KCTD1: variants seen among roughly 807,000 people sequenced by gnomAD.
KCTD1 encodes potassium channel tetramerization domain containing 1.
KCTD1 carries 24 observed loss-of-function variants against 66.0 expected under a neutral mutation model. The ratio of observed to expected loss-of-function variants is 0.36; its 90% CI spans 0.26 to 0.51. The LOEUF is 0.51. Among genes scored for constraint, KCTD1 ranks in the 20% least tolerant of loss-of-function variants. The probability of loss-of-function intolerance (pLI) is 0.95; values close to 1 mark genes in which losing one functional copy is unlikely to be tolerated. For missense variants in KCTD1, 943 were observed against 1,205.2 expected (o/e 0.78, Z 3.22); for synonymous variants, 511 against 517.2 (o/e 0.99, Z 0.16).
At chr18:26,555,208 T>C (rs2144864518) in intron 1 of KCTD1, among the ~76,000 whole-genome samples, 1 of 152,348 alleles carries the variant, frequency 6.6e-6, no homozygotes, top group Non-Finnish European at 1.5e-5. Context: ...TCAAATAAAG[T>C]GGTCTACTAA....
chr18:26,634,015 A>G (rs1425311954), upstream of KCTD1, among the ~76,000 whole-genome samples: 1 of 152,228 alleles, frequency 6.6e-6, no homozygotes, highest in Non-Finnish European at 1.5e-5. Context: ...TACACTCAAC[A>G]GCATGGTTCA....
intron 1 of KCTD1, among the ~76,000 whole-genome samples, chr18:26,556,600 C>T (rs980031494): frequency 4.6e-5 from 7 of 152,332 alleles, no homozygotes; most frequent in African/African-American, 1.4e-4. Context: ...AATCTGGAAA[C>T]ATACATGCAT....
Position 26,616,462 on chromosome 18 carries a change from C to CATATAT in KCTD1, c.-16+12679_-16+12684dup, listed in dbSNP as rs10639008. On this transcript the variant is annotated intron_variant, in intron 1 of 4. Coordinates refer to the KCTD1 transcript ENST00000317932. ...ATGTTTACAGCTAATCCCTTACATA[C>CATATAT]ATATATATATATATATACACACACA... Among the ~76,000 whole-genome samples the CATATAT allele has an allele frequency of 1.1e-3, 157 of 147,616 alleles. 2 individuals carry two copies. Among genetic ancestry groups the CATATAT allele is most frequent in the Middle Eastern group, 3.5e-3 (1 of 288 alleles).
intron 1 of KCTD1, among the ~76,000 whole-genome samples, chr18:26,532,306 G>C (rs1257357348): frequency 8.3e-6 from 1 of 120,546 alleles, no homozygotes; most frequent in African/African-American, 3.5e-5. Flanking sequence ...GCCTTGCTCT[G>C]TTGCCCAGGC....
chr18:26,569,523 T>C, intron 1 of KCTD1, among the ~76,000 whole-genome samples: 1 of 152,152 alleles, frequency 6.6e-6, no homozygotes, highest in East Asian at 1.9e-4. Flanking sequence ...CACTCTTCTA[T>C]TCAGGCTGTC....
intron 1 of KCTD1, among the ~76,000 whole-genome samples, chr18:26,612,296 G>T (rs1987154600): frequency 6.6e-6 from 1 of 151,952 alleles, no homozygotes; most frequent in African/African-American, 2.4e-5. Flanking sequence ...GTCCACCTTG[G>T]TTCTCTCTGG....
At chr18:26,582,211 A>G (rs1206132233) in intron 1 of KCTD1, among the ~76,000 whole-genome samples, 1 of 151,764 alleles carries the variant, frequency 6.6e-6, no homozygotes, top group Non-Finnish European at 1.5e-5. Flanking sequence ...GGTGGAGGTT[A>G]CAGGTGAGCC....
chr18:26,608,467 G>T (rs1987065142), intron 1 of KCTD1, among the ~76,000 whole-genome samples: 1 of 152,170 alleles, frequency 6.6e-6, no homozygotes. Flanking sequence ...AGTGCAAAAT[G>T]ATGTTTGTGA....
chr18:26,640,818 A>T (rs118094467), upstream of KCTD1, among the ~76,000 whole-genome samples: 13 of 152,224 alleles, frequency 8.5e-5, no homozygotes, highest in Admixed American at 4.6e-4. Context: ...GGTTTGTTCT[A>T]AAGTCAAGGA....
intron 3 of KCTD1, among the ~76,000 whole-genome samples, chr18:26,473,979 T>C (rs1981211755): frequency 6.6e-6 from 1 of 152,236 alleles, no homozygotes; most frequent in African/African-American, 2.4e-5. Context: ...TGCCCCACTG[T>C]TCAAAATCCT....
intron 2 of KCTD1, among the ~76,000 whole-genome samples, chr18:26,482,299 C>G (rs901247728): frequency 3.9e-5 from 6 of 152,130 alleles, no homozygotes; most frequent in Admixed American, 3.9e-4. Context: ...CATTGGTAGA[C>G]TGAGAAGATA....
intron 1 of KCTD1, among the ~76,000 whole-genome samples, chr18:26,655,284 T>A (rs1988108814): frequency 6.6e-6 from 1 of 152,248 alleles, no homozygotes. Context: ...TCATTTTTAA[T>A]TTGCTAAAAC....
At position 26,498,338 on chromosome 18, in the gene KCTD1, CT is replaced by C. The variant is rs1406314286; in HGVS notation, c.1988+2733del. ...ATTACGTTGGTGAAAGAGACACTCGCTTTTTTATGTATTTCAGTATCAGGTT... is the reference window on the plus strand; with the variant it reads ...ATTACGTTGGTGAAAGAGACACTCGCTTTTTATGTATTTCAGTATCAGGTT... On this transcript the variant is annotated intron_variant, in intron 2 of 4. Coordinates refer to ENST00000580059, the MANE Select transcript of KCTD1 (RefSeq NM_001142730.3). Among the ~76,000 whole-genome samples the C allele has an allele frequency of 4.0e-5, 6 of 151,774 alleles. No individual in the cohort carries two copies. In the South Asian group the frequency reaches 1.3e-3, roughly 32 times the overall value.
At chr18:26,588,548 G>C (rs190204926) in intron 1 of KCTD1, among the ~76,000 whole-genome samples, 2 of 152,278 alleles carry the variant, frequency 1.3e-5, no homozygotes, top group East Asian at 3.9e-4. Flanking sequence ...GAAGAGTTGG[G>C]CACAGCTTTG....
At chr18:26,585,287 A>T (rs1415422631) in intron 1 of KCTD1, among the ~76,000 whole-genome samples, 1 of 152,206 alleles carries the variant, frequency 6.6e-6, no homozygotes, top group Non-Finnish European at 1.5e-5. Context: ...TGGTAAGATC[A>T]TTATCTAACC....
chr18:26,599,321 G>C, intron 1 of KCTD1: 1 of 1,184,776 alleles, frequency 8.4e-7, no homozygotes, highest in Non-Finnish European at 1.2e-6. Flanking sequence ...ATTGACTGGG[G>C]GAGAAGCCGG....
At chr18:26,607,319 C>T (rs746947704) in intron 1 of KCTD1, among the ~76,000 whole-genome samples, 54 of 152,334 alleles carry the variant, frequency 3.5e-4, no homozygotes, top group Non-Finnish European at 1.8e-4. Context: ...GCATGAGCCA[C>T]GTGCCTGGCT....
chr18:26,637,026 C>T (rs1987738378), intron 1 of KCTD1, among the ~76,000 whole-genome samples: 1 of 152,230 alleles, frequency 6.6e-6, no homozygotes, highest in Non-Finnish European at 1.5e-5. Context: ...TCACCCGCTG[C>T]GGTCCCTGCC....
intron 1 of KCTD1, among the ~76,000 whole-genome samples, chr18:26,606,935 G>C (rs1205504918): frequency 6.6e-6 from 1 of 152,148 alleles, no homozygotes; most frequent in Non-Finnish European, 1.5e-5. Flanking sequence ...TTTCAGCTTA[G>C]TAAACTCCTA....
Sources: allele counts gnomAD v4.1 joint callset (sites outside exome capture counted in the v4.1 genomes callset), GRCh38; gene constraint gnomAD v4.1.1; transcripts MANE v1.5; gene names NCBI Gene and HGNC (gene_info 2026-07-23, HGNC 2026-07-21).